Variants in TRHDE observed in about 807,000 individuals in gnomAD.
The protein encoded by TRHDE is thyrotropin-releasing hormone-degrading ectoenzyme.
Under a neutral mutation model 125.7 loss-of-function variants are expected in TRHDE, and 72 were observed. The observed-to-expected ratio is 0.57, with a 90% CI of 0.47 to 0.70. TRHDE has a LOEUF of 0.70. Among genes scored for constraint, TRHDE ranks in the 30% least tolerant of loss-of-function variants. The probability of loss-of-function intolerance (pLI) is 0.00; values close to 1 mark genes in which losing one functional copy is unlikely to be tolerated. For missense variants in TRHDE, 1,110 were observed against 1,327.1 expected (o/e 0.84, Z 2.54); for synonymous variants, 509 against 509.1 (o/e 1.00, Z 0.00).
chr12:72,581,300 A>G (rs1368553201), intron 12 of TRHDE, among the ~76,000 whole-genome samples: 1 of 152,270 alleles, frequency 6.6e-6, no homozygotes, highest in Non-Finnish European at 1.5e-5. Flanking sequence ...AGCTTTTAAC[A>G]TGCTCTGAGT....
chr12:72,087,560 A>G (rs1874697567), intron 1 of TRHDE: 1 of 152,122 alleles, frequency 6.6e-6, no homozygotes, highest in Non-Finnish European at 1.5e-5. Flanking sequence ...CAAATGAATG[A>G]ATTTTGGGGG....
chr12:72,226,322 T>A (rs925720065), intron 2 of TRHDE, among the ~76,000 whole-genome samples: 1 of 152,210 alleles, frequency 6.6e-6, no homozygotes, highest in South Asian at 2.1e-4. Context: ...CTGCTCATAT[T>A]AGCATGCACA....
intron 2 of TRHDE, among the ~76,000 whole-genome samples, chr12:72,223,219 C>A (rs113619400): frequency 6.6e-6 from 1 of 152,088 alleles, no homozygotes; most frequent in Admixed American, 6.6e-5. Context: ...CCGAGTTTAG[C>A]TGTAAAATCA....
At chr12:72,253,520 T>A (rs1230771361) in intron 2 of TRHDE, 1 of 152,048 alleles carries the variant, frequency 6.6e-6, no homozygotes, top group Non-Finnish European at 1.5e-5. Context: ...TTTAAAAAAA[T>A]GAACTTTATT....
At chr12:72,559,532 T>G (rs984364739) in intron 7 of TRHDE, among the ~76,000 whole-genome samples, 1 of 152,194 alleles carries the variant, frequency 6.6e-6, no homozygotes, top group Non-Finnish European at 1.5e-5. Context: ...TATTATTTGG[T>G]ATGTCTCTTA....
intron 2 of TRHDE, among the ~76,000 whole-genome samples, chr12:72,291,800 G>T (rs867542691): frequency 4.6e-5 from 7 of 152,296 alleles, no homozygotes; most frequent in African/African-American, 1.4e-4. Flanking sequence ...AGGGACTTGA[G>T]CATCTATAGA....
intron 2 of TRHDE, among the ~76,000 whole-genome samples, chr12:72,203,942 C>T (rs570911234): frequency 2.8e-4 from 43 of 152,218 alleles, no homozygotes; most frequent in African/African-American, 9.6e-4. Flanking sequence ...ATCATAGCAT[C>T]GGCTTATGTC....
intron 1 of TRHDE, among the ~76,000 whole-genome samples, chr12:72,278,990 G>A (rs1306630947): frequency 2.6e-5 from 4 of 152,108 alleles, no homozygotes; most frequent in African/African-American, 9.7e-5. Flanking sequence ...TGCCTGTGCA[G>A]TTGCCTTTGT....
chr12:72,269,539 G>T (rs6582088), upstream of TRHDE, among the ~76,000 whole-genome samples: 4 of 152,032 alleles, frequency 2.6e-5, no homozygotes, highest in African/African-American at 9.7e-5. Context: ...AAACACATTA[G>T]TGAAATACAA....
intron 1 of TRHDE, chr12:72,274,736 T>A (rs897149032): frequency 6.6e-6 from 1 of 152,180 alleles, no homozygotes; most frequent in African/African-American, 2.4e-5. Context: ...GACTTTTAAT[T>A]CTAACTTGGG....
chr12:72,476,412 C>T (rs1876895194), intron 5 of TRHDE, among the ~76,000 whole-genome samples: 1 of 152,128 alleles, frequency 6.6e-6, no homozygotes, highest in Non-Finnish European at 1.5e-5. Flanking sequence ...ATATTAAGTG[C>T]CTTGAAGGCT....
chr12:72,210,228 A>G (rs1565663362), intron 2 of TRHDE, among the ~76,000 whole-genome samples: 1 of 146,614 alleles, frequency 6.8e-6, no homozygotes, highest in Non-Finnish European at 1.5e-5. Flanking sequence ...AAAGTAGCAT[A>G]TCTATCTTTT....
chr12:72,560,853 ATG>A (rs1870143775), intron 7 of TRHDE: 2 of 152,070 alleles, frequency 1.3e-5, no homozygotes, highest in African/African-American at 4.8e-5. Flanking sequence ...ATAAAATAAA[ATG>A]CACATTTATA....
At chr12:72,511,947 C>A (rs1402150282) in intron 6 of TRHDE, among the ~76,000 whole-genome samples, 4 of 152,158 alleles carry the variant, frequency 2.6e-5, no homozygotes, top group African/African-American at 9.6e-5. Flanking sequence ...TTCTTGTTAT[C>A]CTCTCTTGTC....
chr12:72,554,704 C>T (rs1869838398), intron 7 of TRHDE, among the ~76,000 whole-genome samples: 1 of 152,160 alleles, frequency 6.6e-6, no homozygotes. Flanking sequence ...AAGCAATTCA[C>T]AAATTTCATT....
At chr12:72,611,979 C>T (rs1454607500) in intron 12 of TRHDE, among the ~76,000 whole-genome samples, 4 of 152,084 alleles carry the variant, frequency 2.6e-5, no homozygotes, top group Admixed American at 6.6e-5. Flanking sequence ...AAAAACAATC[C>T]GAAGCCCTTA....
intron 2 of TRHDE, among the ~76,000 whole-genome samples, chr12:72,216,637 A>G (rs1188908685): frequency 6.6e-6 from 1 of 152,146 alleles, no homozygotes; most frequent in African/African-American, 2.4e-5. Flanking sequence ...AACACAGAAC[A>G]CGTTCTAGTA....
chr12:72,621,590 G>A, intron 14 of TRHDE, 54 bp from the exon 15 acceptor site: 1 of 1,298,052 alleles, frequency 7.7e-7, no homozygotes, highest in Non-Finnish European at 1.1e-6. Context: ...ACTATTTAGG[G>A]AATGAATTTC....
At chr12:72,224,146 C>CTATCTATCTATT (rs1565666711) in intron 2 of TRHDE, among the ~76,000 whole-genome samples, 37 of 46,342 alleles carry the variant, frequency 8.0e-4, no homozygotes, top group African/African-American at 1.1e-3. Flanking sequence ...ATCTATTTAT[C>CTATCTATCTATT]TATGTATGTA....
Sources: gnomAD v4.1 joint callset for allele counts (sites outside exome capture counted in the v4.1 genomes callset) on GRCh38, gnomAD v4.1.1 for gene constraint, MANE v1.5 for transcripts, NCBI Gene and HGNC (gene_info 2026-07-23, HGNC 2026-07-21) for gene names.